Variants in MSRB3 observed in about 807,000 individuals in gnomAD.
MSRB3 encodes the protein methionine sulfoxide reductase B3, also known as methionine-R-sulfoxide reductase B3.
Under a neutral mutation model 21.0 loss-of-function variants are expected in MSRB3, and 13 were observed. The ratio of observed to expected loss-of-function variants is 0.62; its 90% CI spans 0.40 to 0.98. The LOEUF is 0.98. Ranked by LOEUF, MSRB3 falls within the 50% of genes least tolerant of loss-of-function variation. The pLI is 0.00. For missense variants in MSRB3, 199 were observed against 230.3 expected, an observed-to-expected ratio of 0.86 and a Z score of 0.88; for synonymous variants, 87 against 88.6, an observed-to-expected ratio of 0.98 and a Z score of 0.10.
At chr12:65,359,461 G>A (rs922137158) in intron 4 of MSRB3, among the ~76,000 whole-genome samples, 1 of 152,034 alleles carries the variant, frequency 6.6e-6, no homozygotes, top group African/African-American at 2.4e-5. Flanking sequence ...GTATAAAACT[G>A]GTAGAGTAAA....
chr12:65,427,356 C>T lies in MSRB3; in HGVS notation c.293-26372C>T, dbSNP rs575091099. The stretch of plus-strand genomic sequence containing the variant: ...TACTCAGCAGCTGATACCACAGTGG[C>T]AGTGAGGGTTTCTGGGTTTTCTGTG... On this transcript the variant is annotated intron_variant, in intron 5 of 6. Coordinates refer to ENST00000308259, the MANE Select transcript of MSRB3 (RefSeq NM_001031679.3). 2.0e-5 allele frequency among the ~76,000 whole-genome samples: 3 copies of T among 152,262 alleles called. No homozygotes were observed. In the South Asian group the frequency reaches 6.2e-4, roughly 32 times the overall value.
chr12:65,393,399 C>T (rs1412000396), intron 5 of MSRB3, among the ~76,000 whole-genome samples: 3 of 151,928 alleles, frequency 2.0e-5, no homozygotes, highest in South Asian at 2.1e-4. Flanking sequence ...TTTGGGAGGC[C>T]GAGGTGGGTG....
At chr12:65,282,957 A>G (rs1476121943) in intron 1 of MSRB3, among the ~76,000 whole-genome samples, 1 of 152,198 alleles carries the variant, frequency 6.6e-6, no homozygotes, top group African/African-American at 2.4e-5. Flanking sequence ...CTTAAAATGA[A>G]TTGTGAACAT....
intron 5 of MSRB3, among the ~76,000 whole-genome samples, chr12:65,403,176 C>A (rs553906239): frequency 6.6e-6 from 1 of 152,214 alleles, no homozygotes; most frequent in African/African-American, 2.4e-5. Context: ...CAGGCAGGAA[C>A]GTTTAAGTCT....
At chr12:65,371,187 G>T (rs1159512787) in intron 5 of MSRB3, among the ~76,000 whole-genome samples, 1 of 152,016 alleles carries the variant, frequency 6.6e-6, no homozygotes, top group Non-Finnish European at 1.5e-5. Flanking sequence ...AATTAGCTGG[G>T]CGTGGTGGCA....
intron 4 of MSRB3, among the ~76,000 whole-genome samples, chr12:65,352,694 T>C (rs1436288676): frequency 6.6e-6 from 1 of 151,846 alleles, no homozygotes; most frequent in Non-Finnish European, 1.5e-5. Flanking sequence ...AGCCAAATTA[T>C]GAGTGAACTC....
chr12:65,397,683 C>T (rs10878269), intron 5 of MSRB3, among the ~76,000 whole-genome samples: 39,110 of 151,916 alleles, frequency 0.26, 6,258 homozygotes, highest in Middle Eastern at 0.45. Flanking sequence ...TAGGTATACA[C>T]GTGCCATGGT....
At chr12:65,357,873 G>A (rs544472646) in intron 4 of MSRB3, among the ~76,000 whole-genome samples, 1 of 151,846 alleles carries the variant, frequency 6.6e-6, no homozygotes, top group African/African-American at 2.4e-5. Context: ...CATCACTTTT[G>A]ATATTGACCT....
At chr12:65,429,142 T>C (rs146954370) in intron 5 of MSRB3, among the ~76,000 whole-genome samples, 258 of 152,256 alleles carry the variant, frequency 1.7e-3, no homozygotes, top group African/African-American at 5.2e-3. Flanking sequence ...AAGGAGTTAC[T>C]AAACAAGGAA....
intron 5 of MSRB3, among the ~76,000 whole-genome samples, chr12:65,451,320 CA>C (rs1882849421): frequency 1.3e-5 from 2 of 152,046 alleles, no homozygotes; most frequent in East Asian, 1.9e-4. Flanking sequence ...TGGTAAACAA[CA>C]AACTATTCAA....
At chr12:65,391,535 GT>G (rs1879481637) in intron 5 of MSRB3, among the ~76,000 whole-genome samples, 1 of 152,060 alleles carries the variant, frequency 6.6e-6, no homozygotes, top group Non-Finnish European at 1.5e-5. Context: ...CCCTGGCTCT[GT>G]TTTTTGTTTG....
At chr12:65,346,626 T>A (rs1267421034) in intron 4 of MSRB3, among the ~76,000 whole-genome samples, 1 of 152,160 alleles carries the variant, frequency 6.6e-6, no homozygotes, top group East Asian at 1.9e-4. Flanking sequence ...TTTGTTGCCA[T>A]TGCTTTTGGT....
chr12:65,313,232 C>A (rs1288247476), intron 2 of MSRB3, among the ~76,000 whole-genome samples: 1 of 152,066 alleles, frequency 6.6e-6, no homozygotes, highest in African/African-American at 2.4e-5. Context: ...TTTAAAGTCT[C>A]CATTTGTAAA....
chr12:65,321,547 A>G (rs1007411338), intron 2 of MSRB3, among the ~76,000 whole-genome samples: 2 of 152,198 alleles, frequency 1.3e-5, no homozygotes, highest in African/African-American at 4.8e-5. Flanking sequence ...ACTTTGAGAG[A>G]AAAATCAGAA....
At chr12:65,314,500 T>C (rs1418779710) in intron 2 of MSRB3, among the ~76,000 whole-genome samples, 1 of 152,094 alleles carries the variant, frequency 6.6e-6, no homozygotes, top group Non-Finnish European at 1.5e-5. Context: ...TATAATAAAG[T>C]TTTAGTTAAT....
At chr12:65,330,272 C>T (rs115553986) in intron 4 of MSRB3, among the ~76,000 whole-genome samples, 132 of 152,338 alleles carry the variant, frequency 8.7e-4, no homozygotes, top group African/African-American at 3.1e-3. Flanking sequence ...CTTATCCAAA[C>T]ATAGATGCTA....
chr12:65,452,863 G>A (rs1285101829), intron 5 of MSRB3, among the ~76,000 whole-genome samples: 2 of 152,018 alleles, frequency 1.3e-5, no homozygotes, highest in Admixed American at 1.3e-4. Flanking sequence ...CAGCAACATC[G>A]CCCCTCTTTC....
chr12:65,419,940 C>T (rs375151864), intron 5 of MSRB3: 3 of 577,754 alleles, frequency 5.2e-6, no homozygotes, highest in Admixed American at 4.1e-5. Context: ...GCTGACCAGC[C>T]AGGTGCCATA....
chr12:65,444,122 A>C (rs1270404315), intron 5 of MSRB3, among the ~76,000 whole-genome samples: 1 of 152,196 alleles, frequency 6.6e-6, no homozygotes, highest in Non-Finnish European at 1.5e-5. Flanking sequence ...AAAATTACCC[A>C]TATAAATAAA....
Sources: allele counts gnomAD v4.1 joint callset (sites outside exome capture counted in the v4.1 genomes callset), GRCh38; gene constraint gnomAD v4.1.1; transcripts MANE v1.5; gene names NCBI Gene and HGNC (gene_info 2026-07-23, HGNC 2026-07-21).